Variants in NDE1 observed in about 807,000 individuals in gnomAD.
NDE1 encodes nuclear distribution protein nudE homolog 1.
In NDE1, 28 loss-of-function variants were observed where a neutral mutation model predicts 43.4. The observed-to-expected ratio is 0.65, with a 90% CI of 0.48 to 0.89. The LOEUF (loss-of-function observed/expected upper bound fraction) is 0.89, where lower values mean the gene tolerates loss of function less well. NDE1 is among the 40% of genes least tolerant of loss of function. The pLI, the probability that NDE1 is intolerant of heterozygous loss-of-function variation, is 0.00. For missense variants in NDE1, 441 were observed against 434.1 expected, an observed-to-expected ratio of 1.02 and a Z score of -0.14; for synonymous variants, 184 against 172.0, an observed-to-expected ratio of 1.07 and a Z score of -0.55.
At chr16:15,718,453 G>A (rs1395535948) in intron 8 of NDE1, 1 of 1,547,132 alleles carries the variant, frequency 6.5e-7, no homozygotes, top group Non-Finnish European at 8.7e-7. Flanking sequence ...GGGAAGGGCG[G>A]CCATGGTGGG....
intron 3 of NDE1, among the ~76,000 whole-genome samples, chr16:15,673,701 C>A (rs1294696123): frequency 6.6e-6 from 1 of 151,972 alleles, no homozygotes; most frequent in Non-Finnish European, 1.5e-5. Context: ...CCTGGCTGTT[C>A]TTAAATTTTC....
rs1470490682 is a variant in NDE1 at position 15,715,188 on chromosome 16, C to T, written c.948-9003C>T. 4 of 1,613,884 alleles carry T rather than the reference C, an allele frequency of 2.5e-6. No homozygotes were observed. The African/African-American group carries it at 5.3e-5, about 22-fold the overall frequency. The stretch of plus-strand genomic sequence containing the variant: ...CCTGCTCCTTGTACTGCTCGGCCAT[C>T]TTGCGCTCGTCCTCCACCTGCAGCA... On this transcript the variant is annotated intron_variant, in intron 8 of 8. Coordinates refer to ENST00000396354, the MANE Select transcript of NDE1 (RefSeq NM_017668.3).
chr16:15,687,615 C>A, intron 5 of NDE1, 104 bp downstream of exon 5: 1 of 1,101,384 alleles, frequency 9.1e-7, no homozygotes, highest in Non-Finnish European at 1.4e-6. Context: ...GGACCCCACA[C>A]CCTGCTCTGC....
intron 8 of NDE1, chr16:15,702,242 A>G (rs1482485436): frequency 1.3e-5 from 2 of 152,206 alleles, no homozygotes; most frequent in Non-Finnish European, 2.9e-5. Context: ...AAAACACTCA[A>G]GCTGAAAGAA....
intron 7 of NDE1, chr16:15,694,980 G>A (rs1001319): frequency 0.5 from 447,464 of 896,530 alleles, 113,393 homozygotes; most frequent in Middle Eastern, 0.6. Flanking sequence ...ACACCAGCCC[G>A]GGCAACATGG....
chr16:15,713,479 G>A (rs2039936538), intron 8 of NDE1: 1 of 152,232 alleles, frequency 6.6e-6, no homozygotes, highest in Non-Finnish European at 1.5e-5. Flanking sequence ...GGCCTGCTCT[G>A]TGGGAAAAGG....
chr16:15,704,214 A>G, intron 8 of NDE1: 6 of 1,490,490 alleles, frequency 4.0e-6, no homozygotes, highest in Non-Finnish European at 5.5e-6. Flanking sequence ...TTGTAGCTAT[A>G]GTCCTATTGC....
intron 8 of NDE1, chr16:15,717,794 CAA>C (rs200605550): frequency 3.9e-6 from 1 of 253,978 alleles, no homozygotes; most frequent in Non-Finnish European, 7.7e-6. Flanking sequence ...ACCCTGTCTC[CAA>C]AAAAAAGAGG....
chr16:15,648,763 G>A (rs908991042), upstream of NDE1, among the ~76,000 whole-genome samples: 3 of 151,506 alleles, frequency 2.0e-5, no homozygotes, highest in South Asian at 2.1e-4. Flanking sequence ...AGCCGAGATC[G>A]CACCATTGCA....
Position 15,661,995 on chromosome 16 carries a change from G to A in NDE1, c.-43-2741G>A, listed in dbSNP as rs146658039. 3.0e-3 allele frequency among the ~76,000 whole-genome samples: 452 copies of A among 151,930 alleles called. 2 individuals carry two copies. Among genetic ancestry groups the A allele is most frequent in the African/African-American group, 0.01 (424 of 41,416 alleles). On this transcript the variant is annotated intron_variant, in intron 1 of 8. Coordinates refer to ENST00000396354, the MANE Select transcript of NDE1 (RefSeq NM_017668.3). ...CTTGCCCAGGCTGGAGTGCAGTACC[G>A]TGATCATAGCTTACTGCAGCCTCAA...
intron 7 of NDE1, chr16:15,694,954 T>C: frequency 3.1e-6 from 3 of 963,776 alleles, no homozygotes; most frequent in Non-Finnish European, 3.7e-6. Context: ...GGAGATTACT[T>C]GAGCTCAGGA....
At chr16:15,691,420 G>A (rs1043135522) in intron 6 of NDE1, 97 bp downstream of exon 6, 1 of 1,370,562 alleles carries the variant, frequency 7.3e-7, no homozygotes, top group Non-Finnish European at 1.0e-6. Flanking sequence ...TTTGCATCAG[G>A]CTCAGAGCCT....
chr16:15,666,192 T>G (rs1331067302), intron 2 of NDE1, among the ~76,000 whole-genome samples: 1 of 152,186 alleles, frequency 6.6e-6, no homozygotes, highest in Non-Finnish European at 1.5e-5. Context: ...AAACTCGTGT[T>G]TTGGTCAGGG....
At chr16:15,698,108 T>A (rs1482126489) in intron 8 of NDE1, among the ~76,000 whole-genome samples, 8 of 152,138 alleles carry the variant, frequency 5.3e-5, no homozygotes, top group African/African-American at 1.9e-4. Context: ...AGCCCTTTTT[T>A]TTCTTTTTAA....
chr16:15,695,351 T>C lies in NDE1; in HGVS notation c.795+1095T>C, dbSNP rs560041892. 18 of 311,316 alleles carry C rather than the reference T, an allele frequency of 5.8e-5. No individual in the cohort carries two copies. In the South Asian group the frequency reaches 1.1e-3, roughly 20 times the overall value. The allele number at this position is 311,316 out of a possible 1,614,324, so 19.3% of individuals were successfully genotyped here. On this transcript the variant is annotated intron_variant, in intron 7 of 8. Transcript: ENST00000396354. The stretch of plus-strand genomic sequence containing the variant: ...GGTGAAACCCCATCTCTACTAAAAA[T>C]ACAAAAATTAGCCAGGAATGGTGGT...
At chr16:15,703,846 A>G in intron 8 of NDE1, 2 of 1,133,812 alleles carry the variant, frequency 1.8e-6, no homozygotes, top group Non-Finnish European at 2.6e-6. Flanking sequence ...GGTGTCTGTG[A>G]TATTTGGAAT....
rs2036431274 is a variant in NDE1, at chr16:15,650,288, T to C, written c.-50T>C. The stretch of plus-strand genomic sequence containing the variant: ...GCCGCCGCGTTGGCCTCGCCGCCCC[T>C]GCTCGGGTAAGTGAGGCGCTGCGCG... On this transcript the variant is annotated 5_prime_UTR_variant, in exon 1 of 9. Transcript: ENST00000396354. 3.2e-6 allele frequency: 1 copy of C among 313,800 alleles called. No homozygotes were observed. Among genetic ancestry groups the C allele is most frequent in the Non-Finnish European group, 6.6e-6 (1 of 152,158 alleles). The allele number at this position is 313,800 out of a possible 1,614,324, so 19.4% of individuals were successfully genotyped here.
intron 7 of NDE1, chr16:15,695,528 A>G (rs985738496): frequency 2.3e-5 from 23 of 982,752 alleles, no homozygotes; most frequent in Non-Finnish European, 2.5e-5. Context: ...TTGAAAGCCT[A>G]GGGCAAAGAA....
At chr16:15,657,523 T>C (rs2036831476) in intron 1 of NDE1, among the ~76,000 whole-genome samples, 2 of 152,314 alleles carry the variant, frequency 1.3e-5, no homozygotes, top group East Asian at 3.9e-4. Flanking sequence ...GCTTATGGCT[T>C]GAGCAGGGAC....
Sources: allele counts gnomAD v4.1 joint callset (sites outside exome capture counted in the v4.1 genomes callset), GRCh38; gene constraint gnomAD v4.1.1; transcripts MANE v1.5; gene names NCBI Gene and HGNC (gene_info 2026-07-23, HGNC 2026-07-21).